CCNY: variants seen among roughly 807,000 people sequenced by gnomAD.
CCNY encodes the protein cyclin-Y.
A neutral mutation model predicts 42.8 loss-of-function variants in CCNY; 19 were observed. The observed-to-expected ratio is 0.44, with a 90% CI of 0.31 to 0.65. The LOEUF (loss-of-function observed/expected upper bound fraction) is 0.65. Ranked by LOEUF, CCNY falls within the 30% of genes least tolerant of loss-of-function variation. The pLI is 0.07. For synonymous variants in CCNY, 165 were observed against 162.7 expected (o/e 1.01, Z -0.11); for missense variants, 370 against 437.3 (o/e 0.85, Z 1.37).
intron 3 of CCNY, among the ~76,000 whole-genome samples, chr10:35,295,302 G>A (rs934472028): frequency 5.9e-5 from 9 of 151,268 alleles, no homozygotes; most frequent in African/African-American, 2.2e-4. Flanking sequence ...TGTGATCTTG[G>A]CTCACCACAA....
At chr10:35,414,740 A>C (rs1201839333) in intron 1 of CCNY, among the ~76,000 whole-genome samples, 1 of 152,162 alleles carries the variant, frequency 6.6e-6, no homozygotes, top group Non-Finnish European at 1.5e-5. Context: ...GATTCACTTC[A>C]CTATCAGATG....
At chr10:35,376,589 A>T (rs965594894) in intron 1 of CCNY, among the ~76,000 whole-genome samples, 1 of 152,162 alleles carries the variant, frequency 6.6e-6, no homozygotes, top group Admixed American at 6.5e-5. Flanking sequence ...GGATTTTTGT[A>T]TTAGGGATGG....
chr10:35,497,909 G>T (rs1413577435), intron 2 of CCNY, among the ~76,000 whole-genome samples: 1 of 152,096 alleles, frequency 6.6e-6, no homozygotes, highest in Non-Finnish European at 1.5e-5. Flanking sequence ...GGCAGCACCT[G>T]CCTTCTGCCC....
chr10:35,323,176 G>A (rs1035717162), intron 3 of CCNY, among the ~76,000 whole-genome samples: 1 of 152,050 alleles, frequency 6.6e-6, no homozygotes, highest in Non-Finnish European at 1.5e-5. Flanking sequence ...TGATCTGCCC[G>A]CCTCGGCCTC....
intron 3 of CCNY, among the ~76,000 whole-genome samples, chr10:35,280,211 C>T (rs1271360971): frequency 6.6e-6 from 1 of 152,082 alleles, no homozygotes; most frequent in Non-Finnish European, 1.5e-5. Context: ...CCTTTAGTCC[C>T]AGCTACTCAG....
chr10:35,252,835 T>A (rs769319901), intron 3 of CCNY, among the ~76,000 whole-genome samples: 2 of 152,166 alleles, frequency 1.3e-5, no homozygotes, highest in Non-Finnish European at 2.9e-5. Context: ...GTAGTTTGAG[T>A]CTTAATTCAT....
intron 8 of CCNY, among the ~76,000 whole-genome samples, chr10:35,556,469 G>T (rs1185144046): frequency 6.6e-6 from 1 of 152,178 alleles, no homozygotes; most frequent in African/African-American, 2.4e-5. Context: ...GAGAGCCACT[G>T]TGATCCATCT....
At chr10:35,514,409 C>T (rs1273408580) in intron 3 of CCNY, among the ~76,000 whole-genome samples, 4 of 152,136 alleles carry the variant, frequency 2.6e-5, no homozygotes, top group African/African-American at 9.7e-5. Flanking sequence ...TGCTCAGACC[C>T]GCAGGTGGGG....
At chr10:35,528,673 C>T (rs1481584597) in intron 5 of CCNY, among the ~76,000 whole-genome samples, 4 of 152,100 alleles carry the variant, frequency 2.6e-5, no homozygotes, top group Admixed American at 1.3e-4. Context: ...TGCAGTGAGC[C>T]GAGATTGCAC....
chr10:35,387,812 A>G (rs961056808), intron 1 of CCNY, among the ~76,000 whole-genome samples: 2 of 152,224 alleles, frequency 1.3e-5, no homozygotes, highest in Non-Finnish European at 2.9e-5. Flanking sequence ...CCACGTAAGA[A>G]TATTTAAAGT....
chr10:35,514,074 T>C (rs1426413464), intron 3 of CCNY, among the ~76,000 whole-genome samples: 2 of 24,210 alleles, frequency 8.3e-5, no homozygotes, highest in Non-Finnish European at 1.7e-4. Flanking sequence ...GAGGACCAGT[T>C]CAAAAAAAAA....
upstream of CCNY, among the ~76,000 whole-genome samples, chr10:35,334,755 C>A (rs1835990364): frequency 6.6e-6 from 1 of 152,166 alleles, no homozygotes; most frequent in Non-Finnish European, 1.5e-5. Flanking sequence ...AATGTATAAA[C>A]AGTACTTTGA....
chr10:35,554,427 A>G (rs1387014529), intron 8 of CCNY, among the ~76,000 whole-genome samples: 1 of 152,234 alleles, frequency 6.6e-6, no homozygotes, highest in African/African-American at 2.4e-5. Context: ...TCAGAACTAT[A>G]TAGTAAGAAA....
At chr10:35,445,866 C>T (rs754910841) in intron 1 of CCNY, among the ~76,000 whole-genome samples, 5 of 152,162 alleles carry the variant, frequency 3.3e-5, no homozygotes, top group African/African-American at 7.2e-5. Context: ...GCCACATTTG[C>T]TTTATCATTT....
intron 1 of CCNY, among the ~76,000 whole-genome samples, chr10:35,381,811 A>G (rs896727348): frequency 2.0e-5 from 3 of 152,220 alleles, no homozygotes; most frequent in African/African-American, 4.8e-5. Context: ...ACTGATGACT[A>G]TAATTGTCAC....
intron 1 of CCNY, among the ~76,000 whole-genome samples, chr10:35,473,936 C>T (rs1041975021): frequency 2.0e-5 from 3 of 152,142 alleles, no homozygotes; most frequent in Admixed American, 6.5e-5. Context: ...TCAGTGGGTG[C>T]GCGCACCATG....
intron 1 of CCNY, among the ~76,000 whole-genome samples, chr10:35,360,746 T>C (rs2135154635): frequency 6.6e-6 from 1 of 152,214 alleles, no homozygotes; most frequent in Non-Finnish European, 1.5e-5. Flanking sequence ...TTAATACTCA[T>C]CTGTATATGA....
chr10:35,262,060 C>G (rs948861041), intron 3 of CCNY, among the ~76,000 whole-genome samples: 3 of 125,902 alleles, frequency 2.4e-5, no homozygotes, highest in Admixed American at 2.3e-4. Context: ...ATCAGGAGTT[C>G]GAGACAGCCT....
At chr10:35,561,736 A>G (rs1589211449) in intron 8 of CCNY, among the ~76,000 whole-genome samples, 1 of 152,196 alleles carries the variant, frequency 6.6e-6, no homozygotes, top group Non-Finnish European at 1.5e-5. Flanking sequence ...TGAGAACTTG[A>G]CTGGGAGTCT....
Sources: allele counts gnomAD v4.1 joint callset (sites outside exome capture counted in the v4.1 genomes callset), GRCh38; gene constraint gnomAD v4.1.1; transcripts MANE v1.5; gene names NCBI Gene and HGNC (gene_info 2026-07-23, HGNC 2026-07-21).